Variants in LHFPL2 observed in about 807,000 individuals in gnomAD.
The protein encoded by LHFPL2 is LHFPL tetraspan subfamily member 2.
LHFPL2 carries 7 observed loss-of-function variants against 17.5 expected under a neutral mutation model. The ratio of observed to expected loss-of-function variants is 0.40; its 90% CI spans 0.23 to 0.75. The LOEUF is 0.75. Ranked by LOEUF, LHFPL2 falls within the 30% of genes least tolerant of loss-of-function variation. The pLI is 0.37. For missense variants in LHFPL2, 241 were observed against 294.8 expected, an observed-to-expected ratio of 0.82 and a Z score of 1.34; for synonymous variants, 134 against 116.2, an observed-to-expected ratio of 1.15 and a Z score of -0.99.
At chr5:78,543,569 C>T (rs1296609950) in intron 3 of LHFPL2, among the ~76,000 whole-genome samples, 1 of 152,168 alleles carries the variant, frequency 6.6e-6, no homozygotes, top group Non-Finnish European at 1.5e-5. Context: ...CAGCCTTGTC[C>T]CTGAGAGAAT....
chr5:78,561,834 A>G (rs1165934655), intron 3 of LHFPL2, among the ~76,000 whole-genome samples: 1 of 152,198 alleles, frequency 6.6e-6, no homozygotes, highest in African/African-American at 2.4e-5. Flanking sequence ...CCTAATTATA[A>G]GTGGTTAGAG....
At chr5:78,638,705 A>G (rs1745554609) in intron 1 of LHFPL2, among the ~76,000 whole-genome samples, 1 of 152,190 alleles carries the variant, frequency 6.6e-6, no homozygotes. Flanking sequence ...AGGCTAACAG[A>G]GCAGCACCAG....
At chr5:78,566,737 C>T (rs1756869396) in intron 2 of LHFPL2, among the ~76,000 whole-genome samples, 1 of 152,196 alleles carries the variant, frequency 6.6e-6, no homozygotes. Flanking sequence ...GGATTACAGG[C>T]GTGAGCCACT....
intron 4 of LHFPL2, chr5:78,494,636 T>C: frequency 2.5e-6 from 1 of 405,728 alleles, no homozygotes; most frequent in Non-Finnish European, 3.3e-6. Flanking sequence ...TCACCGATGG[T>C]CATGGTATTG....
intron 2 of LHFPL2, among the ~76,000 whole-genome samples, chr5:78,616,947 C>A (rs1257264068): frequency 3.3e-5 from 5 of 152,178 alleles, no homozygotes; most frequent in Non-Finnish European, 5.9e-5. Context: ...TCTGGAAGAA[C>A]TCATAAGGTA....
At chr5:78,644,033 G>C (rs1005230216) in intron 1 of LHFPL2, among the ~76,000 whole-genome samples, 3 of 152,186 alleles carry the variant, frequency 2.0e-5, no homozygotes, top group Admixed American at 6.5e-5. Context: ...TTGTACTCCA[G>C]CCTGGGTGAC....
At chr5:78,492,687 T>C (rs1754483983) in intron 4 of LHFPL2, among the ~76,000 whole-genome samples, 1 of 152,212 alleles carries the variant, frequency 6.6e-6, no homozygotes, top group Admixed American at 6.5e-5. Context: ...ACTCTTGCTG[T>C]TGTTTAAGTC....
intron 2 of LHFPL2, among the ~76,000 whole-genome samples, chr5:78,576,102 TGG>T (rs1561346762): frequency 6.6e-6 from 1 of 152,160 alleles, no homozygotes. Context: ...GAGACCATCC[TGG>T]CTAACACGGT....
chr5:78,638,914 AT>A (rs2112524758), intron 1 of LHFPL2, among the ~76,000 whole-genome samples: 1 of 152,350 alleles, frequency 6.6e-6, no homozygotes, highest in South Asian at 2.1e-4. Flanking sequence ...CAAAAATCAA[AT>A]ATACACATCC....
intron 3 of LHFPL2, among the ~76,000 whole-genome samples, chr5:78,519,256 T>C (rs1755378759): frequency 6.6e-6 from 1 of 152,094 alleles, no homozygotes; most frequent in East Asian, 1.9e-4. Context: ...GTCCCTGGGG[T>C]GCTGACAGAT....
intron 1 of LHFPL2, among the ~76,000 whole-genome samples, chr5:78,636,210 G>C (rs1442224853): frequency 1.3e-5 from 2 of 152,172 alleles, no homozygotes; most frequent in Admixed American, 6.5e-5. Flanking sequence ...TGCATACTCT[G>C]ATCCTGAGAA....
intron 2 of LHFPL2, among the ~76,000 whole-genome samples, chr5:78,572,104 T>G (rs1308806902): frequency 6.6e-6 from 1 of 152,106 alleles, no homozygotes; most frequent in African/African-American, 2.4e-5. Flanking sequence ...CTTTTAAGGT[T>G]TGAAGTACCT....
At chr5:78,568,345 A>G (rs1006150661) in intron 2 of LHFPL2, among the ~76,000 whole-genome samples, 3 of 152,158 alleles carry the variant, frequency 2.0e-5, no homozygotes, top group Non-Finnish European at 4.4e-5. Context: ...CTTCCCATTC[A>G]TCTCCATTTG....
chr5:78,507,941 TACACACACACACACACAC>T (rs10562386), intron 4 of LHFPL2, among the ~76,000 whole-genome samples: 4 of 148,460 alleles, frequency 2.7e-5, no homozygotes, highest in Non-Finnish European at 6.0e-5. Context: ...TACACATGCA[TACACACACACACACACAC>T]ACACACACAC....
At chr5:78,627,998 A>G (rs948045215) in intron 2 of LHFPL2, among the ~76,000 whole-genome samples, 2 of 152,132 alleles carry the variant, frequency 1.3e-5, no homozygotes, top group African/African-American at 4.8e-5. Context: ...TGAGTCCTAC[A>G]TCAGGACTTA....
chr5:78,550,217 T>C (rs1756400529), intron 3 of LHFPL2, among the ~76,000 whole-genome samples: 1 of 152,200 alleles, frequency 6.6e-6, no homozygotes, highest in Non-Finnish European at 1.5e-5. Context: ...TTTCTACTCC[T>C]TTGAAAAGAA....
chr5:78,617,099 G>T (rs9293755), intron 2 of LHFPL2, among the ~76,000 whole-genome samples: 2 of 151,482 alleles, frequency 1.3e-5, no homozygotes, highest in Non-Finnish European at 2.9e-5. Context: ...CTCAATCTCC[G>T]CTCACTACAA....
At chr5:78,593,281 G>A (rs1166722616) in intron 2 of LHFPL2, among the ~76,000 whole-genome samples, 1 of 152,074 alleles carries the variant, frequency 6.6e-6, no homozygotes, top group Admixed American at 6.6e-5. Context: ...AGATTTCACA[G>A]CCCTCAAGTA....
At chr5:78,533,431 AGT>A (rs1755845147) in intron 3 of LHFPL2, among the ~76,000 whole-genome samples, 1 of 152,208 alleles carries the variant, frequency 6.6e-6, no homozygotes, top group African/African-American at 2.4e-5. Context: ...GTAATAAACA[AGT>A]ATTAGTTTGT....
Sources: allele counts gnomAD v4.1 joint callset (sites outside exome capture counted in the v4.1 genomes callset), GRCh38; gene constraint gnomAD v4.1.1; transcripts MANE v1.5; gene names NCBI Gene and HGNC (gene_info 2026-07-23, HGNC 2026-07-21).